The following KIF7 variants were observed in gnomAD, a reference collection of about 807,000 sequenced individuals.
The protein encoded by KIF7 is kinesin-like protein KIF7.
In KIF7, 104 loss-of-function variants were observed where a neutral mutation model predicts 135.7. The ratio of observed to expected loss-of-function variants is 0.77; its 90% CI spans 0.65 to 0.90. The LOEUF is 0.90. Ranked by LOEUF, KIF7 falls within the 40% of genes least tolerant of loss-of-function variation. The pLI, the probability that KIF7 is intolerant of heterozygous loss-of-function variation, is 0.00. For missense variants in KIF7, 2,005 were observed against 1,839.1 expected (o/e 1.09, Z -1.65); for synonymous variants, 883 against 809.4 (o/e 1.09, Z -1.54).
At chr15:89,644,075 CTG>C (rs1963968422) in intron 10 of KIF7, among the ~76,000 whole-genome samples, 1 of 152,052 alleles carries the variant, frequency 6.6e-6, no homozygotes, top group Non-Finnish European at 1.5e-5. Flanking sequence ...GGTAAAACAA[CTG>C]TGGAAAACTC....
chr15:89,661,694 G>A, the KIF7 span, among the ~76,000 whole-genome samples: 2 of 152,032 alleles, frequency 1.3e-5, no homozygotes, highest in Non-Finnish European at 2.9e-5. Context: ...GAAAAGCTTA[G>A]AAGAATTTGA....
chr15:89,630,460 T>TC lies in KIF7; in HGVS notation c.3144_3145insG (p.Ile1049AspfsTer9). ...TCAATGGCAGCATCCAGGGCCTCGA[T>TC]GGCCTCATCCAACTGGAACAGCGTC... On this transcript the variant is annotated frameshift_variant, in exon 16 of 19. Coordinates refer to ENST00000394412, the MANE Select transcript of KIF7 (RefSeq NM_198525.3). LOFTEE classifies it high-confidence loss of function. 6.4e-7 allele frequency: 1 copy of TC among 1,567,884 alleles called. No homozygotes were observed. Among genetic ancestry groups the TC allele is most frequent in the Non-Finnish European group, 8.7e-7 (1 of 1,156,054 alleles).
Position 89,632,886 on chromosome 15 carries a change from C to G in KIF7, c.2829G>C (p.Leu943=). The change falls in exon 14 of 19, where the codon CTG becomes CTC. Residue 943 remains leucine, a synonymous_variant. Transcript: ENST00000394412. Reference sequence around the variant, plus strand: ...CCTGCATCAGGGCCTCCTTCTTGGCCAGGATGGCCTCCCGCTTGTGGAGCT... The same window carrying G: ...CCTGCATCAGGGCCTCCTTCTTGGCGAGGATGGCCTCCCGCTTGTGGAGCT... The part of the protein sequence containing the change: ...GEELHKREAI[L]AKKEALMQEK... The G allele has an allele frequency of 6.2e-7, 1 of 1,610,558 alleles. No homozygotes were observed. The highest frequency in any genetic ancestry group is 2.2e-5 in the East Asian group (1 of 44,864).
At position 89,645,365 on chromosome 15, in the gene KIF7, T is replaced by C; in HGVS notation, c.2009A>G (p.Glu670Gly). 6.2e-7 allele frequency: 1 copy of C among 1,614,040 alleles called. No individual in the cohort carries two copies. The highest frequency in any genetic ancestry group is 8.5e-7 in the Non-Finnish European group (1 of 1,179,916). Residue 670 changes from glutamate (E) to glycine (G), a missense_variant, in exon 9 of 19, where the codon GAG becomes GGG. Glu to Gly is a moderately conservative substitution (Grantham distance 98). Transcript: ENST00000394412. ...ERKGPELCLE[E>G]LDAAIPGSRA... ...GGACCCTGGAATGGCTGCATCCAACTCCTCAAGGCAAAGCTCTGGGCCCTT... is the reference window on the plus strand; with the variant it reads ...GGACCCTGGAATGGCTGCATCCAACCCCTCAAGGCAAAGCTCTGGGCCCTT...
Position 89,632,828 on chromosome 15 carries a change from A to C in KIF7, c.2887T>G (p.Ser963Ala), listed in dbSNP as rs567836651. The change falls in exon 14 of 19, where the codon TCC (serine) becomes GCC (alanine). Residue 963 changes from serine to alanine, a missense_variant. Ser to Ala is a moderately conservative substitution (Grantham distance 99). Coordinates refer to ENST00000394412, the MANE Select transcript of KIF7 (RefSeq NM_198525.3). ...TCCTGGCAGGGCCTCACCTGGCTGG[A>C]TCTCAGGCGCTTGCTCTCCAGCCCC... is the stretch of plus-strand genomic sequence containing the variant. The part of the protein sequence containing the change: ...KTGLESKRLR[S>A]SQALNEDIVR... 6.2e-7 allele frequency: 1 copy of C among 1,605,392 alleles called. No homozygotes were observed. Among genetic ancestry groups the C allele is most frequent in the South Asian group, 1.1e-5 (1 of 90,440 alleles).
At position 89,648,331 on chromosome 15, in the gene KIF7, G is replaced by A. The variant is rs1175288371; in HGVS notation, c.1367C>T (p.Ser456Phe). 6.4e-5 allele frequency: 96 copies of A among 1,505,430 alleles called. No individual in the cohort carries two copies. In the East Asian group the frequency reaches 2.5e-3, roughly 39 times the overall value. The allele number at this position is 1,505,430 out of a possible 1,614,324, so 93.3% of individuals were successfully genotyped here. The part of the protein sequence containing the change: ...AVEGERSALS[S>F]ASGPDSGIES... The stretch of plus-strand genomic sequence containing the variant: ...GATGCCGCTATCGGGCCCGGAGGCG[G>A]AGCTCAGGGCGCTGCGCTCGCCCTC... The change falls in exon 5 of 19, where the codon TCC (serine) becomes TTC (phenylalanine). Residue 456 changes from serine to phenylalanine, a missense_variant. Coordinates refer to ENST00000394412, the MANE Select transcript of KIF7 (RefSeq NM_198525.3).
intron 6 of KIF7, 82 bp from the exon 7 acceptor site, chr15:89,647,139 G>T (rs1336511445): frequency 5.8e-6 from 7 of 1,204,228 alleles, no homozygotes; most frequent in African/African-American, 1.5e-5. Context: ...CAGGTCTGAG[G>T]CCACTCCACC....
upstream of KIF7, among the ~76,000 whole-genome samples, chr15:89,659,451 G>GAGAGAAAGAAAGAAAGAA (rs201464557): frequency 9.3e-3 from 1,360 of 146,242 alleles, 24 homozygotes; most frequent in African/African-American, 0.033. Flanking sequence ...AAGAAAGAGA[G>GAGAGAAAGAAAGAAAGAA]AGAGAAAGAA....
rs190144224 is a variant in KIF7 at position 89,641,915 on chromosome 15, G to A, written c.2394+288C>T. On this transcript the variant is annotated intron_variant, in intron 11 of 18. Coordinates refer to ENST00000394412, the MANE Select transcript of KIF7 (RefSeq NM_198525.3). ...AATGGAGAGCTGAAAGGGGGACCGG[G>A]AGACAGAGGACTGCACGCTGCAGGG... is the stretch of plus-strand genomic sequence containing the variant. Among the ~76,000 whole-genome samples, 188 of 152,268 alleles carry A rather than the reference G, an allele frequency of 1.2e-3. 1 individual carries two copies. Among genetic ancestry groups the A allele is most frequent in the African/African-American group, 4.2e-3 (174 of 41,546 alleles).
downstream of KIF7, chr15:89,624,646 A>G: frequency 6.2e-7 from 1 of 1,614,098 alleles, no homozygotes; most frequent in Non-Finnish European, 8.5e-7. Context: ...CCCTGGTCTC[A>G]GGAGTGATTG....
At chr15:89,640,802 A>G (rs905301938) in intron 11 of KIF7, among the ~76,000 whole-genome samples, 2 of 150,550 alleles carry the variant, frequency 1.3e-5, no homozygotes, top group African/African-American at 4.9e-5. Flanking sequence ...CCTGGCCAAC[A>G]TGGTGAAACA....
At chr15:89,621,611 A>G (rs2141981718) in intron 1 of KIF7, 1 of 1,403,086 alleles carries the variant, frequency 7.1e-7, no homozygotes, top group Non-Finnish European at 9.8e-7. Flanking sequence ...GACATGGCCA[A>G]GGAACTCAGA....
At chr15:89,646,171 T>A in intron 7 of KIF7, 145 bp from the exon 8 acceptor site, 3 of 1,077,622 alleles carry the variant, frequency 2.8e-6, no homozygotes, top group South Asian at 1.3e-5. Flanking sequence ...GCCTTCTGAA[T>A]CTCAAGCTGG....
chr15:89,657,328 A>AAAAAG (rs533315174), upstream of KIF7, among the ~76,000 whole-genome samples: 1,901 of 127,742 alleles, frequency 0.015, 92 homozygotes, highest in African/African-American at 0.018. Context: ...AAAAAAAAAA[A>AAAAAG]AGAGAGAGAG....
At chr15:89,626,977 C>T (rs762312318), downstream of KIF7, 5 of 1,613,942 alleles carry the variant, frequency 3.1e-6, no homozygotes, top group South Asian at 1.1e-5. Context: ...GATGTTCTTC[C>T]CTCCACTGTA....
At chr15:89,655,628 G>A (rs1377813223), upstream of KIF7, among the ~76,000 whole-genome samples, 2 of 152,130 alleles carry the variant, frequency 1.3e-5, no homozygotes, top group Non-Finnish European at 2.9e-5. Flanking sequence ...CCTGGAGAGT[G>A]TGCAGCATCC....
chr15:89,645,670 C>T (rs1179338452), intron 8 of KIF7, among the ~76,000 whole-genome samples: 1 of 152,132 alleles, frequency 6.6e-6, no homozygotes, highest in African/African-American at 2.4e-5. Context: ...AGGCTGAAGT[C>T]AGGAGGCCTG....
At chr15:89,641,072 A>G (rs1030666643) in intron 11 of KIF7, among the ~76,000 whole-genome samples, 1 of 152,124 alleles carries the variant, frequency 6.6e-6, no homozygotes, top group Non-Finnish European at 1.5e-5. Context: ...CAAAATTCCT[A>G]TATGAAAGCC....
At chr15:89,633,541 A>G in intron 12 of KIF7, 145 bp downstream of exon 12, 1 of 937,046 alleles carries the variant, frequency 1.1e-6, no homozygotes, top group Non-Finnish European at 1.6e-6. Context: ...ACATTTTCAG[A>G]TGAAAAAACA....
Sources: gnomAD v4.1 joint callset for allele counts (sites outside exome capture counted in the v4.1 genomes callset) on GRCh38, gnomAD v4.1.1 for gene constraint, MANE v1.5 for transcripts, NCBI Gene and HGNC (gene_info 2026-07-23, HGNC 2026-07-21) for gene names.